PTPRB: variants seen among roughly 807,000 people sequenced by gnomAD.
PTPRB encodes protein tyrosine phosphatase receptor type B, also known as receptor-type tyrosine-protein phosphatase beta.
Under a neutral mutation model 238.1 loss-of-function variants are expected in PTPRB, and 97 were observed. That is an observed-to-expected ratio of 0.41 (90% CI 0.35 to 0.48). The LOEUF (loss-of-function observed/expected upper bound fraction) is 0.48, where lower values mean the gene tolerates loss of function less well. Ranked by LOEUF, PTPRB falls within the 20% of genes least tolerant of loss-of-function variation. PTPRB has a pLI of 0.30. For synonymous variants in PTPRB, 970 were observed against 995.4 expected, an observed-to-expected ratio of 0.97 and a Z score of 0.48; for missense variants, 2,292 against 2,681.9, an observed-to-expected ratio of 0.85 and a Z score of 3.21.
In PTPRB at chr12:70,519,079, G is replaced by C. The variant is rs1242168582; in HGVS notation, c.*2410C>G. 6.6e-6 allele frequency: 1 copy of C among 152,130 alleles called. No individual in the cohort carries two copies. The highest frequency in any genetic ancestry group is 2.4e-5 in the African/African-American group (1 of 41,414). 9.4% of individuals were successfully genotyped at this position (152,130 alleles called of 1,614,324 possible). A position where few individuals can be genotyped will look rare whatever the true frequency, so the allele number is the denominator to read the frequency against. On this transcript the variant is annotated 3_prime_UTR_variant, in exon 34 of 34. Transcript: ENST00000334414. ...CGAATAGTGAAATATTTGTTGCTAA[G>C]AAGGTTTAAAATTAGGTGTAGGGTA... is the stretch of plus-strand genomic sequence containing the variant.
chr12:70,579,695 C>CAAAAAAA (rs35887706), intron 10 of PTPRB, among the ~76,000 whole-genome samples: 12 of 91,000 alleles, frequency 1.3e-4, no homozygotes, highest in Non-Finnish European at 1.5e-4. Flanking sequence ...GACTCCATCT[C>CAAAAAAA]AAAAAAAAAA....
chr12:70,525,530 G>A (rs982074983), intron 32 of PTPRB: 2 of 152,176 alleles, frequency 1.3e-5, no homozygotes, highest in Non-Finnish European at 1.5e-5. Flanking sequence ...GTTACATAGC[G>A]AGGACAGACC....
At chr12:70,532,191 A>G (rs762153549) in intron 31 of PTPRB, 21 bp from the exon 32 acceptor site, 54 of 1,546,346 alleles carry the variant, frequency 3.5e-5, no homozygotes, top group East Asian at 9.4e-5. Flanking sequence ...TGGCAAAGGA[A>G]GATTGAGCCT....
At chr12:70,587,607 A>G (rs1041479876) in intron 8 of PTPRB, among the ~76,000 whole-genome samples, 2 of 152,126 alleles carry the variant, frequency 1.3e-5, no homozygotes, top group African/African-American at 4.8e-5. Flanking sequence ...CTGTTTAAGT[A>G]TTTAGGTGGA....
intron 6 of PTPRB, among the ~76,000 whole-genome samples, chr12:70,593,509 G>C (rs1375945562): frequency 2.4e-5 from 2 of 83,530 alleles, no homozygotes; most frequent in Non-Finnish European, 4.2e-5. Flanking sequence ...GCAAAACTCT[G>C]TCTCAAAAAA....
intron 21 of PTPRB, among the ~76,000 whole-genome samples, chr12:70,547,564 A>G (rs1221632476): frequency 2.4e-5 from 3 of 126,540 alleles, no homozygotes; most frequent in Non-Finnish European, 4.7e-5. Flanking sequence ...TTGCTCTGTC[A>G]CCAGGTTGGA....
chr12:70,526,127 T>G (rs953059660), intron 32 of PTPRB, among the ~76,000 whole-genome samples: 2 of 152,222 alleles, frequency 1.3e-5, no homozygotes, highest in Non-Finnish European at 2.9e-5. Flanking sequence ...GATTGGAACC[T>G]AGCTTGGCCA....
chr12:70,597,168 C>T lies in PTPRB; in HGVS notation c.980-841G>A, dbSNP rs142507173. ...AACTCCTGACTTCAGGTGATCTGCC[C>T]GCCTCAGCTTCCCAAGGTGCTGGGA... On this transcript the variant is annotated intron_variant, in intron 4 of 33. Transcript: ENST00000334414. Among the ~76,000 whole-genome samples the T allele has an allele frequency of 1.4e-4, 21 of 152,096 alleles. No individual in the cohort carries two copies. The East Asian group carries it at 3.3e-3, about 24-fold the overall frequency.
intron 14 of PTPRB, among the ~76,000 whole-genome samples, chr12:70,568,838 C>T (rs967527778): frequency 2.0e-5 from 3 of 152,122 alleles, no homozygotes; most frequent in African/African-American, 2.4e-5. Context: ...TTGTTATATA[C>T]GTATCCTTGA....
intron 3 of PTPRB, among the ~76,000 whole-genome samples, chr12:70,615,616 A>G (rs1884644565): frequency 6.6e-6 from 1 of 152,232 alleles, no homozygotes; most frequent in African/African-American, 2.4e-5. Flanking sequence ...CACTCTTCCA[A>G]TCAGGCACTT....
At chr12:70,633,129 T>G (rs1297885343) in intron 2 of PTPRB, among the ~76,000 whole-genome samples, 1 of 152,256 alleles carries the variant, frequency 6.6e-6, no homozygotes, top group East Asian at 1.9e-4. Context: ...GTATTTGTGC[T>G]GCTGTAGATT....
rs1407341074 is a variant in PTPRB at position 70,538,951 on chromosome 12, T to C, written c.5842A>G (p.Lys1948Glu). 6.2e-7 allele frequency: 1 copy of C among 1,613,648 alleles called. No homozygotes were observed. The highest frequency in any genetic ancestry group is 8.5e-7 in the Non-Finnish European group (1 of 1,179,744). The change falls in exon 27 of 34, where the codon AAA becomes GAA. Residue 1948 changes from lysine (K) to glutamate (E), a missense_variant. Around this residue, in one of 4 missense-constraint regions of PTPRB, gnomAD observed 397 missense variants for 502.0 expected, o/e 0.79. Coordinates refer to ENST00000334414, the MANE Select transcript of PTPRB (RefSeq NM_001109754.4). ...DIALLPENRG[K>E]NRYNNILPYD... ...GGCAATATATTGTTGTATCGATTTT[T>C]CCCTCTATTCTCCGGCAAGAGTGCA... is the stretch of plus-strand genomic sequence containing the variant.
intron 4 of PTPRB, among the ~76,000 whole-genome samples, chr12:70,601,951 C>T (rs928453476): frequency 3.5e-5 from 5 of 141,250 alleles, no homozygotes; most frequent in Admixed American, 7.2e-5. Context: ...CCACCACGCC[C>T]GGCTAAGTTT....
chr12:70,557,207 G>A (rs184053282), intron 18 of PTPRB, among the ~76,000 whole-genome samples: 101 of 152,330 alleles, frequency 6.6e-4, no homozygotes, highest in Non-Finnish European at 1.1e-3. Flanking sequence ...GCCGGAGTGG[G>A]ATGGTAGAAA....
chr12:70,555,768 G>A, intron 19 of PTPRB, 102 bp downstream of exon 19: 1 of 1,388,400 alleles, frequency 7.2e-7, no homozygotes, highest in Non-Finnish European at 9.7e-7. Context: ...CAAAAGTGAA[G>A]TGTATGCAAG....
intron 32 of PTPRB, among the ~76,000 whole-genome samples, chr12:70,530,713 A>G (rs1873108114): frequency 6.6e-6 from 1 of 152,148 alleles, no homozygotes; most frequent in South Asian, 2.1e-4. Context: ...GAAACTCACT[A>G]TACTATTTTT....
At chr12:70,531,922 C>T in intron 32 of PTPRB, 113 bp downstream of exon 32, 3 of 1,240,432 alleles carry the variant, frequency 2.4e-6, no homozygotes, top group Admixed American at 4.7e-5. Flanking sequence ...CTTTTTTTCT[C>T]TTCCTAATGT....
At chr12:70,611,669 C>T (rs1055644134) in intron 3 of PTPRB, among the ~76,000 whole-genome samples, 2 of 152,278 alleles carry the variant, frequency 1.3e-5, no homozygotes, top group African/African-American at 2.4e-5. Flanking sequence ...TTCTTCCCCT[C>T]GAGAGATTCT....
At chr12:70,576,670 G>GGGT (rs1880771324) in intron 10 of PTPRB, 25 bp from the exon 11 acceptor site, 1 of 195,776 alleles carries the variant, frequency 5.1e-6, no homozygotes, top group African/African-American at 6.4e-5. Flanking sequence ...GGTGGGGGGC[G>GGGT]GGGGGGGGGG....
Sources: gnomAD v4.1 joint callset for allele counts (sites outside exome capture counted in the v4.1 genomes callset) on GRCh38, gnomAD v4.1.1 for gene constraint, gnomAD v4.1.1 regional missense constraint, MANE v1.5 for transcripts, NCBI Gene and HGNC (gene_info 2026-07-23, HGNC 2026-07-21) for gene names.